ERC1: variants seen among roughly 807,000 people sequenced by gnomAD.
ERC1 encodes ELKS/RAB6-interacting/CAST family member 1.
A neutral mutation model predicts 132.0 loss-of-function variants in ERC1; 56 were observed. That is an observed-to-expected ratio of 0.42 (90% confidence interval 0.34 to 0.53). The LOEUF (loss-of-function observed/expected upper bound fraction) is 0.53, where lower values mean the gene tolerates loss of function less well. Among genes scored for constraint, ERC1 ranks in the 20% least tolerant of loss-of-function variants. The pLI, the probability that ERC1 is intolerant of heterozygous loss-of-function variation, is 0.03. For missense variants in ERC1, 1,202 were observed against 1,349.9 expected, an observed-to-expected ratio of 0.89 and a Z score of 1.72; for synonymous variants, 478 against 476.1, an observed-to-expected ratio of 1.00 and a Z score of -0.05.
chr12:1,485,371 GT>G (rs2094195482), intron 18 of ERC1, among the ~76,000 whole-genome samples: 1 of 150,774 alleles, frequency 6.6e-6, no homozygotes, highest in African/African-American at 2.5e-5. Context: ...CGCCTGGCTA[GT>G]TTTTGTATTT....
chr12:1,268,211 C>T (rs1296141882), intron 14 of ERC1, among the ~76,000 whole-genome samples: 1 of 152,178 alleles, frequency 6.6e-6, no homozygotes, highest in East Asian at 1.9e-4. Context: ...TTACTTTTAG[C>T]AATTTATTCT....
At chr12:1,324,608 C>T (rs1566589804) in intron 15 of ERC1, among the ~76,000 whole-genome samples, 1 of 152,188 alleles carries the variant, frequency 6.6e-6, no homozygotes, top group African/African-American at 2.4e-5. Flanking sequence ...TTTAAAATAA[C>T]TCTTCCTTCT....
intron 18 of ERC1, among the ~76,000 whole-genome samples, chr12:1,453,388 G>A (rs906831186): frequency 3.3e-5 from 5 of 152,260 alleles, no homozygotes; most frequent in African/African-American, 9.6e-5. Context: ...TCTAGCCTAG[G>A]AATAGAGGCC....
chr12:1,085,097 G>A (rs1402628756), intron 3 of ERC1, among the ~76,000 whole-genome samples: 4 of 7,254 alleles, frequency 5.5e-4, no homozygotes, highest in Non-Finnish European at 1.4e-3. Context: ...TGTTGTTGTT[G>A]AAAGTGCTGA....
chr12:1,375,688 A>G (rs1054059094), intron 16 of ERC1, among the ~76,000 whole-genome samples: 1 of 149,266 alleles, frequency 6.7e-6, no homozygotes, highest in African/African-American at 2.5e-5. Flanking sequence ...GGTGACACAC[A>G]GTACATTGAG....
intron 3 of ERC1, among the ~76,000 whole-genome samples, chr12:1,093,205 C>G (rs183124254): frequency 6.6e-6 from 1 of 152,152 alleles, no homozygotes; most frequent in Non-Finnish European, 1.5e-5. Context: ...TTCTCCCCCC[C>G]AAAAGCCGAG....
chr12:1,199,738 A>G (rs1956726407), intron 12 of ERC1, among the ~76,000 whole-genome samples: 1 of 152,026 alleles, frequency 6.6e-6, no homozygotes, highest in African/African-American at 2.4e-5. Context: ...ATACTGTGCC[A>G]TTGCACTTCA....
intron 7 of ERC1, among the ~76,000 whole-genome samples, chr12:1,121,718 TCTC>T (rs1947183250): frequency 1.8e-4 from 1 of 5,448 alleles, no homozygotes. Context: ...TGTGTCTCTA[TCTC>T]TATCTCTATC....
intron 14 of ERC1, among the ~76,000 whole-genome samples, chr12:1,286,362 TAA>T (rs1274602363): frequency 6.6e-6 from 1 of 151,774 alleles, no homozygotes; most frequent in African/African-American, 2.4e-5. Context: ...GAAGAAAAGT[TAA>T]GTGTTCATCT....
At chr12:1,042,340 T>TTG (rs1166507373) in intron 2 of ERC1, among the ~76,000 whole-genome samples, 1 of 140,860 alleles carries the variant, frequency 7.1e-6, no homozygotes, top group South Asian at 2.5e-4. Context: ...CCCGGCCTGT[T>TTG]TTTTTTTTTT....
chr12:1,295,434 C>T (rs947124433), intron 15 of ERC1, among the ~76,000 whole-genome samples: 1 of 152,018 alleles, frequency 6.6e-6, no homozygotes, highest in African/African-American at 2.4e-5. Context: ...GACTAGGCTA[C>T]GTGTTCACTG....
At chr12:1,138,073 T>TAC (rs1949457059) in intron 7 of ERC1, among the ~76,000 whole-genome samples, 2 of 99,278 alleles carry the variant, frequency 2.0e-5, no homozygotes, top group Non-Finnish European at 2.1e-5. Flanking sequence ...TATATTGTTT[T>TAC]ATATTATATA....
At chr12:1,277,090 A>G (rs1302843273) in intron 14 of ERC1, among the ~76,000 whole-genome samples, 2 of 152,202 alleles carry the variant, frequency 1.3e-5, no homozygotes, top group Non-Finnish European at 2.9e-5. Flanking sequence ...AGAAATCATT[A>G]TTATCCCTGA....
At chr12:1,210,254 A>C (rs1216252751) in intron 12 of ERC1, among the ~76,000 whole-genome samples, 1 of 152,070 alleles carries the variant, frequency 6.6e-6, no homozygotes, top group Non-Finnish European at 1.5e-5. Context: ...AGAATTTGAG[A>C]TTGTGCTTTG....
chr12:1,157,841 C>CT (rs1319230447), intron 8 of ERC1, among the ~76,000 whole-genome samples: 3 of 152,138 alleles, frequency 2.0e-5, no homozygotes, highest in Admixed American at 6.5e-5. Context: ...ATCCAAATAT[C>CT]TAAAAAACCA....
At chr12:1,366,565 G>A (rs946063211) in intron 15 of ERC1, among the ~76,000 whole-genome samples, 1 of 152,184 alleles carries the variant, frequency 6.6e-6, no homozygotes, top group Non-Finnish European at 1.5e-5. Context: ...CAGTAAGGAA[G>A]AAATGGGTTA....
intron 8 of ERC1, among the ~76,000 whole-genome samples, chr12:1,151,004 T>C (rs1283441708): frequency 6.6e-6 from 1 of 152,226 alleles, no homozygotes; most frequent in Non-Finnish European, 1.5e-5. Flanking sequence ...ATGTAAGATG[T>C]TAACAGTGTG....
At chr12:1,175,394 T>A (rs1204882112) in intron 8 of ERC1, among the ~76,000 whole-genome samples, 1 of 152,106 alleles carries the variant, frequency 6.6e-6, no homozygotes, top group Non-Finnish European at 1.5e-5. Context: ...ACTAAGTTTA[T>A]TAATATTCTA....
At chr12:1,034,159 A>G (rs1378180026) in intron 2 of ERC1, among the ~76,000 whole-genome samples, 1 of 152,160 alleles carries the variant, frequency 6.6e-6, no homozygotes, top group South Asian at 2.1e-4. Context: ...GATTCTTTAT[A>G]TGTATTTAGA....
Sources: allele counts gnomAD v4.1 joint callset (sites outside exome capture counted in the v4.1 genomes callset), GRCh38; gene constraint gnomAD v4.1.1; transcripts MANE v1.5; gene names NCBI Gene and HGNC (gene_info 2026-07-23, HGNC 2026-07-21).